The following MAN1A1 variants were observed in gnomAD, a reference collection of about 807,000 sequenced individuals.
MAN1A1 encodes the protein mannosyl-oligosaccharide 1,2-alpha-mannosidase IA.
A neutral mutation model predicts 70.8 loss-of-function variants in MAN1A1; 29 were observed. The observed-to-expected ratio is 0.41, with a 90% CI of 0.31 to 0.56. The LOEUF (loss-of-function observed/expected upper bound fraction) is 0.56. Among genes scored for constraint, MAN1A1 ranks in the 20% least tolerant of loss-of-function variants. The probability of loss-of-function intolerance (pLI) is 0.29; values close to 1 mark genes in which losing one functional copy is unlikely to be tolerated. For synonymous variants in MAN1A1, 349 were observed against 330.1 expected, an observed-to-expected ratio of 1.06 and a Z score of -0.62; for missense variants, 747 against 841.3, an observed-to-expected ratio of 0.89 and a Z score of 1.39.
At chr6:119,338,633 T>C (rs1170936520) in intron 2 of MAN1A1, among the ~76,000 whole-genome samples, 1 of 152,232 alleles carries the variant, frequency 6.6e-6, no homozygotes, top group Non-Finnish European at 1.5e-5. Flanking sequence ...TAGAAAAGCA[T>C]CCTGATTCAT....
At chr6:119,285,320 G>T (rs1776338787) in intron 5 of MAN1A1, among the ~76,000 whole-genome samples, 1 of 151,900 alleles carries the variant, frequency 6.6e-6, no homozygotes, top group Non-Finnish European at 1.5e-5. Flanking sequence ...CTAATAGAGT[G>T]AGAACTCACT....
intron 5 of MAN1A1, among the ~76,000 whole-genome samples, chr6:119,279,380 C>T (rs1295049699): frequency 6.6e-6 from 1 of 152,196 alleles, no homozygotes; most frequent in Non-Finnish European, 1.5e-5. Flanking sequence ...TGTTACCTGG[C>T]TACCAAACCT....
intron 5 of MAN1A1, among the ~76,000 whole-genome samples, chr6:119,275,472 A>T (rs2114386403): frequency 6.8e-6 from 1 of 146,830 alleles, no homozygotes; most frequent in East Asian, 2.0e-4. Flanking sequence ...ACGCCCGGCT[A>T]ATTTTTTGTA....
intron 6 of MAN1A1, among the ~76,000 whole-genome samples, chr6:119,206,095 G>T (rs1244739699): frequency 1.3e-5 from 2 of 152,168 alleles, no homozygotes; most frequent in Non-Finnish European, 2.9e-5. Context: ...GTACGAGTTG[G>T]TGAGGAAAAA....
In MAN1A1 at chr6:119,188,400, A is replaced by T. The variant is rs1189193347; in HGVS notation, c.1719+5T>A. The T allele has an allele frequency of 6.3e-7, 1 of 1,588,962 alleles. No individual in the cohort carries two copies. The highest frequency in any genetic ancestry group is 8.5e-7 in the Non-Finnish European group (1 of 1,171,274). ...CTATAAGAAACATGCAAATTAAAAC[A>T]TCACCTCTACGGCTTCCCAGGCCCA... On this transcript the variant is annotated splice_donor_5th_base_variant and intron_variant, in intron 11 of 12. Coordinates refer to ENST00000368468, the MANE Select transcript of MAN1A1 (RefSeq NM_005907.4).
intron 6 of MAN1A1, among the ~76,000 whole-genome samples, chr6:119,225,388 T>A (rs1011568498): frequency 6.6e-5 from 10 of 151,038 alleles, no homozygotes; most frequent in African/African-American, 2.4e-4. Context: ...AGTGAAACCT[T>A]GTCTCTTAGA....
chr6:119,201,875 T>A (rs907043055), intron 7 of MAN1A1, among the ~76,000 whole-genome samples: 10 of 152,136 alleles, frequency 6.6e-5, no homozygotes, highest in Admixed American at 6.5e-5. Flanking sequence ...ATACATTTTA[T>A]AACCCTATAC....
At chr6:119,249,135 G>C (rs1775249035) in intron 5 of MAN1A1, among the ~76,000 whole-genome samples, 1 of 152,098 alleles carries the variant, frequency 6.6e-6, no homozygotes, top group South Asian at 2.1e-4. Context: ...AGTAAAGAGG[G>C]AATCCCTGAG....
intron 6 of MAN1A1, among the ~76,000 whole-genome samples, chr6:119,229,625 G>A (rs1310999577): frequency 1.3e-5 from 2 of 152,156 alleles, no homozygotes; most frequent in East Asian, 1.9e-4. Context: ...TCCTCTGAGT[G>A]TAAATACTTT....
chr6:119,321,106 G>A (rs1316827331), intron 2 of MAN1A1, among the ~76,000 whole-genome samples: 1 of 152,108 alleles, frequency 6.6e-6, no homozygotes, highest in Non-Finnish European at 1.5e-5. Flanking sequence ...TCTCAAATAT[G>A]TATACGTGAA....
rs1250952590 is a variant in MAN1A1 at position 119,272,727 on chromosome 6, G to A, written c.897+17956C>T. On this transcript the variant is annotated intron_variant, in intron 5 of 12. Transcript: ENST00000368468. ...ACATACTATTTTGTACCACACTTTCGATTGATTTATGAATGTGTGTGTGTT... is the reference window on the plus strand; with the variant it reads ...ACATACTATTTTGTACCACACTTTCAATTGATTTATGAATGTGTGTGTGTT... Among the ~76,000 whole-genome samples the A allele has an allele frequency of 5.9e-5, 9 of 152,100 alleles. No individual in the cohort carries two copies. The South Asian group carries it at 1.2e-3, about 21-fold the overall frequency.
At chr6:119,214,904 A>G (rs1019757709) in intron 6 of MAN1A1, among the ~76,000 whole-genome samples, 1 of 151,422 alleles carries the variant, frequency 6.6e-6, no homozygotes, top group Non-Finnish European at 1.5e-5. Context: ...AACTTTTGGA[A>G]ACTGTATTTT....
intron 6 of MAN1A1, among the ~76,000 whole-genome samples, chr6:119,206,842 A>G (rs1773874305): frequency 6.6e-6 from 1 of 152,212 alleles, no homozygotes; most frequent in Admixed American, 6.5e-5. Context: ...GTCTGGAGAA[A>G]TATTAAAAAC....
intron 2 of MAN1A1, among the ~76,000 whole-genome samples, chr6:119,343,993 T>A (rs548265883): frequency 6.6e-5 from 10 of 152,324 alleles, no homozygotes; most frequent in African/African-American, 2.2e-4. Context: ...ATGAAAAATT[T>A]GTACCACCAC....
intron 11 of MAN1A1, among the ~76,000 whole-genome samples, chr6:119,181,228 T>G (rs1415813215): frequency 6.6e-6 from 1 of 151,986 alleles, no homozygotes; most frequent in Non-Finnish European, 1.5e-5. Flanking sequence ...ACAGAAAGAG[T>G]TTGCTGACCC....
Position 119,189,832 on chromosome 6 carries a change from C to T in MAN1A1, c.1378G>A (p.Ala460Thr), listed in dbSNP as rs749958397. The T allele has an allele frequency of 1.2e-5, 20 of 1,613,894 alleles. No individual in the cohort carries two copies. The highest frequency in any genetic ancestry group is 2.7e-5 in the African/African-American group (2 of 74,868). Residue 460 changes from alanine to threonine, a missense_variant, in exon 10 of 13, where the codon GCA (alanine) becomes ACA (threonine). By Grantham distance (58) the Ala-to-Thr change is moderately conservative (BLOSUM62 0). Coordinates refer to ENST00000368468, the MANE Select transcript of MAN1A1 (RefSeq NM_005907.4). ...TCCAGGAGGCCCCCTTTCCACTCTG[C>T]GATATAAGTTAGTCCGCTGCTAGAC... is the stretch of plus-strand genomic sequence containing the variant. ...RKSSSGLTYI[A>T]EWKGGLLEHK...
chr6:119,345,072 C>T (rs1193239767), intron 2 of MAN1A1, among the ~76,000 whole-genome samples: 3 of 151,740 alleles, frequency 2.0e-5, no homozygotes, highest in East Asian at 1.9e-4. Flanking sequence ...GCCCCAGCCC[C>T]TATTACTCAG....
At chr6:119,219,860 G>A (rs1312646351) in intron 6 of MAN1A1, among the ~76,000 whole-genome samples, 2 of 151,776 alleles carry the variant, frequency 1.3e-5, no homozygotes, top group Non-Finnish European at 2.9e-5. Context: ...ATTTCTAATA[G>A]TAAGAGACAG....
intron 5 of MAN1A1, among the ~76,000 whole-genome samples, chr6:119,287,155 G>A (rs1419022934): frequency 6.6e-6 from 1 of 152,110 alleles, no homozygotes; most frequent in African/African-American, 2.4e-5. Flanking sequence ...CTTGAGTAGA[G>A]TAACAGAAGG....
Sources: allele counts gnomAD v4.1 joint callset (sites outside exome capture counted in the v4.1 genomes callset), GRCh38; gene constraint gnomAD v4.1.1; transcripts MANE v1.5; gene names NCBI Gene and HGNC (gene_info 2026-07-23, HGNC 2026-07-21).